PARD3B: variants seen among roughly 807,000 people sequenced by gnomAD.
PARD3B encodes partitioning defective 3 homolog B.
Under a neutral mutation model 130.2 loss-of-function variants are expected in PARD3B, and 103 were observed. The observed-to-expected ratio is 0.79, with a 90% CI of 0.67 to 0.93. PARD3B has a LOEUF of 0.93. Among genes scored for constraint, PARD3B ranks in the 40% least tolerant of loss-of-function variants. The pLI is 0.00. For synonymous variants in PARD3B, 583 were observed against 553.2 expected (o/e 1.05, Z -0.76); for missense variants, 1,609 against 1,499.2 (o/e 1.07, Z -1.21).
In PARD3B at chr2:205,558,647, G is replaced by A. The variant is rs527717075; in HGVS notation, c.3260+5244G>A. On this transcript the variant is annotated intron_variant, in intron 22 of 22. Coordinates refer to ENST00000406610, the MANE Select transcript of PARD3B (RefSeq NM_001302769.2). The surrounding 1 kb of genome is among the most constrained non-coding windows in gnomAD (Gnocchi z 4.8). ...ATACTTCCACCAGACTCTGCTTCCC[G>A]CCTTTTGCTCCACATGGATTCTCTC... 3.9e-5 allele frequency among the ~76,000 whole-genome samples: 6 copies of A among 152,014 alleles called. No homozygotes were observed. In the East Asian group the frequency reaches 5.8e-4, roughly 15 times the overall value.
chr2:204,727,192 CTTGT>C (rs761948288), intron 2 of PARD3B, among the ~76,000 whole-genome samples: 11 of 152,046 alleles, frequency 7.2e-5, no homozygotes, highest in South Asian at 2.1e-4. Context: ...TAACACAGCT[CTTGT>C]TTGTTTGTTT....
At chr2:205,498,037 A>ACAC (rs897301069) in intron 20 of PARD3B, among the ~76,000 whole-genome samples, 3 of 151,298 alleles carry the variant, frequency 2.0e-5, no homozygotes, top group African/African-American at 7.3e-5. Flanking sequence ...ACACACACAC[A>ACAC]CACACACAAA....
intron 2 of PARD3B, among the ~76,000 whole-genome samples, chr2:204,939,336 A>G (rs1440558574): frequency 2.0e-5 from 3 of 152,230 alleles, no homozygotes; most frequent in African/African-American, 4.8e-5. Flanking sequence ...TTTTTTGTCT[A>G]TTAACCCAAA....
intron 22 of PARD3B, among the ~76,000 whole-genome samples, chr2:205,578,354 CACATTT>C (rs1325312633): frequency 2.6e-5 from 4 of 152,162 alleles, no homozygotes; most frequent in Non-Finnish European, 5.9e-5. Context: ...CATGACCATG[CACATTT>C]AAAGAACAAG....
chr2:205,000,248 A>G (rs986575518), intron 3 of PARD3B, among the ~76,000 whole-genome samples: 3 of 152,116 alleles, frequency 2.0e-5, no homozygotes, highest in Non-Finnish European at 2.9e-5. Context: ...GCACAGCTTG[A>G]TTTGCTACAT....
intron 1 of PARD3B, among the ~76,000 whole-genome samples, chr2:204,602,510 A>G (rs898302662): frequency 6.6e-6 from 1 of 152,030 alleles, no homozygotes; most frequent in Non-Finnish European, 1.5e-5. Context: ...TTCTACACAC[A>G]CCATTCCTAA....
At chr2:204,901,077 GC>G (rs1033748250) in intron 2 of PARD3B, among the ~76,000 whole-genome samples, 78 of 152,186 alleles carry the variant, frequency 5.1e-4, no homozygotes, top group African/African-American at 1.8e-3. Flanking sequence ...GCTGGGTCTT[GC>G]CCAAGACCTG....
intron 2 of PARD3B, among the ~76,000 whole-genome samples, chr2:204,832,039 G>A (rs2043843416): frequency 6.6e-6 from 1 of 152,076 alleles, no homozygotes; most frequent in Non-Finnish European, 1.5e-5. Context: ...TGGCTAACAC[G>A]GTGAAACCCC....
At chr2:205,434,676 T>C (rs980492024) in intron 19 of PARD3B, among the ~76,000 whole-genome samples, 1 of 151,906 alleles carries the variant, frequency 6.6e-6, no homozygotes, top group African/African-American at 2.4e-5. Flanking sequence ...GGGACATGAG[T>C]AATATTAGGA....
In PARD3B at chr2:205,226,347, C is replaced by T. The variant is rs111776103; in HGVS notation, c.2141-19431C>T. Among the ~76,000 whole-genome samples, 663 of 152,216 alleles carry T rather than the reference C, an allele frequency of 4.4e-3. 2 individuals carry two copies. Among genetic ancestry groups the T allele is most frequent in the Non-Finnish European group, 7.1e-3 (483 of 67,990 alleles). ...GAGCCACCACGCCCGGCCAAAAAAG[C>T]TTTTTAATTTGATGTGATCCCATTT... is the stretch of plus-strand genomic sequence containing the variant. On this transcript the variant is annotated intron_variant, in intron 15 of 22. Transcript: ENST00000406610.
intron 2 of PARD3B, among the ~76,000 whole-genome samples, chr2:204,847,018 GTATA>G (rs1220056409): frequency 6.6e-6 from 1 of 151,942 alleles, no homozygotes; most frequent in Non-Finnish European, 1.5e-5. Context: ...ATCATAATCT[GTATA>G]TATGCTGGTT....
chr2:204,910,520 A>T (rs1575280095), intron 2 of PARD3B, among the ~76,000 whole-genome samples: 1 of 152,252 alleles, frequency 6.6e-6, no homozygotes, highest in Admixed American at 6.5e-5. Context: ...GTTTCAAAGA[A>T]AATCTGAAAA....
rs1401400571 is a variant in PARD3B, at chr2:204,742,475, CTTG to C, written c.222+56194_222+56196del. 3.3e-5 allele frequency among the ~76,000 whole-genome samples: 5 copies of C among 152,206 alleles called. No homozygotes were observed. The East Asian group carries it at 9.7e-4, about 29-fold the overall frequency. On this transcript the variant is annotated intron_variant, in intron 2 of 22. Transcript: ENST00000406610. Reference sequence around the variant, plus strand: ...AAGGGATAGAGTAAGGGGGCAGGACCTTGGCCTGTAACTTGTGCTGGGAGCTCA... The same window carrying C: ...AAGGGATAGAGTAAGGGGGCAGGACCGCCTGTAACTTGTGCTGGGAGCTCA...
chr2:205,399,371 T>C (rs1329407947), intron 18 of PARD3B, among the ~76,000 whole-genome samples: 1 of 152,134 alleles, frequency 6.6e-6, no homozygotes, highest in East Asian at 1.9e-4. Flanking sequence ...TTGTTTGTTT[T>C]TGAGACAGAG....
chr2:204,640,457 G>A (rs945176752), intron 1 of PARD3B, among the ~76,000 whole-genome samples: 1 of 152,128 alleles, frequency 6.6e-6, no homozygotes, highest in Non-Finnish European at 1.5e-5. Context: ...CCCTCCCTGT[G>A]GGGTTGGCTG....
At chr2:204,997,778 C>T (rs1694353715) in intron 3 of PARD3B, among the ~76,000 whole-genome samples, 1 of 151,366 alleles carries the variant, frequency 6.6e-6, no homozygotes, top group African/African-American at 2.4e-5. Flanking sequence ...TGATTTTGTT[C>T]ATAATCTTAA....
chr2:204,549,879 C>T (rs1407776945), intron 1 of PARD3B, among the ~76,000 whole-genome samples: 1 of 151,976 alleles, frequency 6.6e-6, no homozygotes, highest in Admixed American at 6.6e-5. Flanking sequence ...GAATTTATTA[C>T]ACATTGTTTT....
intron 2 of PARD3B, among the ~76,000 whole-genome samples, chr2:204,876,652 C>T (rs1559220399): frequency 6.6e-6 from 1 of 151,998 alleles, no homozygotes; most frequent in Non-Finnish European, 1.5e-5. Context: ...CATATAGAAC[C>T]CTCTTTTGAG....
chr2:205,036,852 T>TGGACTGTATATGTAAAGAACATATATAGC (rs1697961944), intron 3 of PARD3B, among the ~76,000 whole-genome samples: 2 of 150,470 alleles, frequency 1.3e-5, no homozygotes, highest in Non-Finnish European at 3.0e-5. Flanking sequence ...ACATATATAG[T>TGGACTGTATATGTAAAGAACATATATAGC]GGACTGTATA....
Sources: allele counts gnomAD v4.1 joint callset (sites outside exome capture counted in the v4.1 genomes callset), GRCh38; gene constraint gnomAD v4.1.1; non-coding constraint Gnocchi (gnomAD v3.1); transcripts MANE v1.5; gene names NCBI Gene and HGNC (gene_info 2026-07-23, HGNC 2026-07-21).